Variants in C2orf49 observed in about 807,000 individuals in gnomAD.
C2orf49 encodes tRNA splicing ligase complex subunit 2.
A neutral mutation model predicts 20.6 loss-of-function variants in C2orf49; 11 were observed. The ratio of observed to expected loss-of-function variants is 0.53; its 90% CI spans 0.34 to 0.88. C2orf49 has a LOEUF of 0.88. Among genes scored for constraint, C2orf49 ranks in the 40% least tolerant of loss-of-function variants. The pLI, the probability that C2orf49 is intolerant of heterozygous loss-of-function variation, is 0.02. For synonymous variants in C2orf49, 134 were observed against 108.5 expected (o/e 1.24, Z -1.46); for missense variants, 289 against 274.2 (o/e 1.05, Z -0.38).
rs1320635873 is a variant in C2orf49, at chr2:105,347,680, C to G, written c.*2309C>G. On this transcript the variant is annotated 3_prime_UTR_variant, in exon 4 of 4. Coordinates refer to ENST00000258457, the MANE Select transcript of C2orf49 (RefSeq NM_024093.3). ...TCCTTCTGAAGGTGTATAGATACAG[C>G]TTGTCTTGAAATGTCTTTCTCCACA... The G allele has an allele frequency of 6.6e-6, 1 of 152,194 alleles. No individual in the cohort carries two copies. The highest frequency in any genetic ancestry group is 6.6e-5 in the Admixed American group (1 of 15,264). The allele number at this position is 152,194 out of a possible 1,614,324, so 9.4% of individuals were successfully genotyped here.
chr2:105,359,251 TAATGAGG>T, the C2orf49 span: 3 of 152,214 alleles, frequency 2.0e-5, no homozygotes, highest in Non-Finnish European at 4.4e-5. Context: ...TCTATGGTTT[TAATGAGG>T]AACAAGTAAG....
At chr2:105,377,024 A>C in the C2orf49 span, among the ~76,000 whole-genome samples, 2 of 152,168 alleles carry the variant, frequency 1.3e-5, no homozygotes, top group African/African-American at 4.8e-5. Flanking sequence ...ATGAGAGGGG[A>C]ATGGGAGTGA....
the C2orf49 span, among the ~76,000 whole-genome samples, chr2:105,371,230 G>A: frequency 0.012 from 1,859 of 152,250 alleles, 48 homozygotes; most frequent in African/African-American, 0.043. Flanking sequence ...TTGCCGTGAA[G>A]GTGTTTTTTA....
At chr2:105,385,766 G>A in the C2orf49 span, 1 of 152,716 alleles carries the variant, frequency 6.5e-6, no homozygotes, top group African/African-American at 2.4e-5. Context: ...CGGGGCAGTT[G>A]GTACAAGTGA....
chr2:105,382,670 C>T, the C2orf49 span, among the ~76,000 whole-genome samples: 2 of 152,136 alleles, frequency 1.3e-5, no homozygotes, highest in Non-Finnish European at 2.9e-5. Flanking sequence ...TTCTGATCTG[C>T]AGATCTTTTG....
chr2:105,352,402 G>C (rs1422766384), downstream of C2orf49, among the ~76,000 whole-genome samples: 5 of 147,976 alleles, frequency 3.4e-5, no homozygotes, highest in African/African-American at 5.0e-5. Context: ...CTGTCCGCAA[G>C]GGCCTTTTCT....
Position 105,347,823 on chromosome 2 carries a change from T to C in C2orf49, c.*2452T>C, listed in dbSNP as rs1309227158. 1.3e-5 allele frequency: 2 copies of C among 152,254 alleles called. No individual in the cohort carries two copies. Among genetic ancestry groups the C allele is most frequent in the Non-Finnish European group, 2.9e-5 (2 of 68,050 alleles). 9.4% of individuals were successfully genotyped at this position (152,254 alleles called of 1,614,324 possible). A position where few individuals can be genotyped will look rare whatever the true frequency, so the allele number is the denominator to read the frequency against. On this transcript the variant is annotated 3_prime_UTR_variant, in exon 4 of 4. Transcript: ENST00000258457. Reference sequence around the variant, plus strand: ...ACTTGATATGTATGGCAAACAACTTTAGAATACTAGTTACTCACTAACATG... The same window carrying C: ...ACTTGATATGTATGGCAAACAACTTCAGAATACTAGTTACTCACTAACATG...
chr2:105,373,794 A>AT, the C2orf49 span: 1 of 1,574,586 alleles, frequency 6.4e-7, no homozygotes, highest in Non-Finnish European at 8.7e-7. Context: ...GACCCACAGC[A>AT]TAGGGGCCCC....
the C2orf49 span, among the ~76,000 whole-genome samples, chr2:105,385,699 C>T: frequency 4.6e-5 from 7 of 152,138 alleles, no homozygotes; most frequent in Non-Finnish European, 1.0e-4. Context: ...TTCAGCAATC[C>T]AGGTTGGAAC....
chr2:105,362,983 T>C, the C2orf49 span: 1 of 336,926 alleles, frequency 3.0e-6, no homozygotes, highest in South Asian at 4.6e-5. Flanking sequence ...TTATTGTGCT[T>C]TTGTGATGTC....
the C2orf49 span, among the ~76,000 whole-genome samples, chr2:105,380,419 G>A: frequency 6.6e-5 from 10 of 152,084 alleles, no homozygotes; most frequent in East Asian, 1.2e-3. Context: ...TTAGAGACAG[G>A]GGTCTTGCTA....
chr2:105,339,796 G>A (rs760311339), intron 2 of C2orf49, 47 bp downstream of exon 2: 2 of 1,448,430 alleles, frequency 1.4e-6, no homozygotes, highest in Non-Finnish European at 1.8e-6. Context: ...TATAACTAAA[G>A]TTATATATAA....
chr2:105,382,908 T>C, the C2orf49 span, among the ~76,000 whole-genome samples: 2 of 152,208 alleles, frequency 1.3e-5, no homozygotes, highest in Non-Finnish European at 2.9e-5. Flanking sequence ...TTTTTTAAGA[T>C]GGAGTCTTGC....
chr2:105,341,059 A>G lies in C2orf49; in HGVS notation c.266+1310A>G, dbSNP rs372612895. ...CAGTCTGACCTTTGATCAAGAATGC[A>G]TTTTAGATTGACCATTTTAGCTTGA... On this transcript the variant is annotated intron_variant, in intron 2 of 3. Transcript: ENST00000258457. Among the ~76,000 whole-genome samples, 27 of 152,362 alleles carry G rather than the reference A, an allele frequency of 1.8e-4. No homozygotes were observed. The South Asian group carries it at 3.7e-3, about 21-fold the overall frequency.
chr2:105,363,556 G>C, the C2orf49 span: 1 of 1,281,554 alleles, frequency 7.8e-7, no homozygotes, highest in Non-Finnish European at 1.1e-6. Flanking sequence ...GACGATGCAA[G>C]ATCCTCATCC....
the C2orf49 span, chr2:105,357,608 A>T: frequency 1.3e-5 from 2 of 152,204 alleles, no homozygotes; most frequent in Non-Finnish European, 2.9e-5. Flanking sequence ...TTATAATAAT[A>T]CCTAATACAA....
the C2orf49 span, among the ~76,000 whole-genome samples, chr2:105,379,163 G>A: frequency 2.0e-5 from 3 of 152,316 alleles, no homozygotes; most frequent in Admixed American, 2.0e-4. Flanking sequence ...CCATTGGGAA[G>A]TAATTGAACC....
downstream of C2orf49, among the ~76,000 whole-genome samples, chr2:105,352,392 C>G (rs35013072): frequency 0.16 from 23,141 of 146,296 alleles, 2,023 homozygotes; most frequent in Middle Eastern, 0.23. Flanking sequence ...AACATGGTCC[C>G]TGTCCGCAAG....
the C2orf49 span, chr2:105,373,808 C>T: frequency 2.4e-5 from 35 of 1,475,048 alleles, no homozygotes; most frequent in Middle Eastern, 2.4e-4. Context: ...GGGCCCCTTG[C>T]GAATCTGCAG....
Sources: gnomAD v4.1 joint callset for allele counts (sites outside exome capture counted in the v4.1 genomes callset) on GRCh38, gnomAD v4.1.1 for gene constraint, MANE v1.5 for transcripts, NCBI Gene and HGNC (gene_info 2026-07-23, HGNC 2026-07-21) for gene names.